Variants in WNT7B observed in about 807,000 individuals in gnomAD.
The protein encoded by WNT7B is protein Wnt-7b.
In WNT7B, 19 loss-of-function variants were observed where a neutral mutation model predicts 38.2. The observed-to-expected ratio is 0.50, with a 90% CI of 0.35 to 0.73. The LOEUF is 0.73. Among genes scored for constraint, WNT7B ranks in the 30% least tolerant of loss-of-function variants. The pLI, the probability that WNT7B is intolerant of heterozygous loss-of-function variation, is 0.01. For synonymous variants in WNT7B, 243 were observed against 209.3 expected, an observed-to-expected ratio of 1.16 and a Z score of -1.39; for missense variants, 423 against 507.9, an observed-to-expected ratio of 0.83 and a Z score of 1.61.
At chr22:45,968,776 T>A (rs1190416793) in intron 1 of WNT7B, among the ~76,000 whole-genome samples, 1 of 152,118 alleles carries the variant, frequency 6.6e-6, no homozygotes, top group Admixed American at 6.5e-5. Context: ...CTCATCAGAT[T>A]TCCCAGCTTG....
At chr22:45,944,536 C>T (rs959504795) in intron 2 of WNT7B, among the ~76,000 whole-genome samples, 1 of 152,228 alleles carries the variant, frequency 6.6e-6, no homozygotes. Flanking sequence ...GGCTGCCTGG[C>T]CCCTGAGCCT....
intron 2 of WNT7B, among the ~76,000 whole-genome samples, chr22:45,942,920 ACGTGTGTG>A (rs1931690776): frequency 6.8e-6 from 1 of 146,276 alleles, no homozygotes; most frequent in African/African-American, 2.5e-5. Context: ...TGCAGTGTGC[ACGTGTGTG>A]CATGTGTGTA....
chr22:45,967,138 G>C (rs1481933651), intron 1 of WNT7B, among the ~76,000 whole-genome samples: 1 of 152,214 alleles, frequency 6.6e-6, no homozygotes, highest in East Asian at 1.9e-4. Flanking sequence ...GCCAGCCTGA[G>C]GTGAGGCCCC....
At chr22:45,967,315 C>A (rs1051376461) in intron 1 of WNT7B, among the ~76,000 whole-genome samples, 1 of 152,156 alleles carries the variant, frequency 6.6e-6, no homozygotes, top group Non-Finnish European at 1.5e-5. Context: ...GGAGCTGAGC[C>A]CCATCTGAGC....
At chr22:45,923,895 C>T (rs532709307) in intron 3 of WNT7B, among the ~76,000 whole-genome samples, 2 of 152,256 alleles carry the variant, frequency 1.3e-5, no homozygotes, top group South Asian at 2.1e-4. Context: ...GCAGGGGAGG[C>T]GAGTACACGG....
chr22:45,948,835 T>C (rs1376194448), intron 2 of WNT7B, among the ~76,000 whole-genome samples: 6 of 122,890 alleles, frequency 4.9e-5, no homozygotes, highest in African/African-American at 2.3e-4. Context: ...CCCTTTTTTT[T>C]TTTTTTTTTT....
At chr22:45,929,331 A>G (rs1393749629) in intron 3 of WNT7B, among the ~76,000 whole-genome samples, 1 of 151,988 alleles carries the variant, frequency 6.6e-6, no homozygotes, top group Non-Finnish European at 1.5e-5. Flanking sequence ...CTTGGAGGCA[A>G]AGCCTGTGTC....
Position 45,920,692 on chromosome 22 carries a change from TGGGGTCAGGGATGGGATGGGGGA to T in WNT7B, c.*2141_*2163del, listed in dbSNP as rs1930899580. ...TAGGGATGAGGGATGGGATGGGGGATGGGGTCAGGGATGGGATGGGGGATGGGATGAGGGATGAGATGAGGGAT... is the reference window on the plus strand; with the variant it reads ...TAGGGATGAGGGATGGGATGGGGGATTGGGATGAGGGATGAGATGAGGGAT... On this transcript the variant is annotated 3_prime_UTR_variant, in exon 4 of 4. Transcript: ENST00000339464. 1 of 27,784 alleles carries T rather than the reference TGGGGTCAGGGATGGGATGGGGGA, an allele frequency of 3.6e-5. No individual in the cohort carries two copies. Among genetic ancestry groups the T allele is most frequent in the African/African-American group, 1.9e-4 (1 of 5,150 alleles). The allele number at this position is 27,784 out of a possible 1,614,324, so 1.7% of individuals were successfully genotyped here. A position where few individuals can be genotyped will look rare whatever the true frequency, so the allele number is the denominator to read the frequency against.
At chr22:45,925,345 C>G in intron 3 of WNT7B, 3 of 983,272 alleles carry the variant, frequency 3.1e-6, no homozygotes, top group Non-Finnish European at 3.6e-6. Flanking sequence ...TGGACAAAGA[C>G]TGGAGAGACT....
In WNT7B at chr22:45,967,855, C is replaced by G. The variant is rs571900941; in HGVS notation, c.71+8829G>C. ...CCAACTTCATGATCATCACCTCGCC[C>G]CCCATCAGCACCTCCAACTGCTGGC... On this transcript the variant is annotated intron_variant, in intron 1 of 3. Coordinates refer to ENST00000339464, the MANE Select transcript of WNT7B (RefSeq NM_058238.3). 1.1e-3 allele frequency among the ~76,000 whole-genome samples: 173 copies of G among 152,270 alleles called. 1 individual carries two copies. The highest frequency in any genetic ancestry group is 4.1e-3 in the African/African-American group (170 of 41,546).
At chr22:45,924,670 T>G (rs1163074524) in intron 3 of WNT7B, among the ~76,000 whole-genome samples, 1 of 151,800 alleles carries the variant, frequency 6.6e-6, no homozygotes, top group Non-Finnish European at 1.5e-5. Flanking sequence ...GGCCCTAGGC[T>G]GGCAGGTGGG....
rs78437334 is a variant in WNT7B, at chr22:45,920,544, G to A, written c.*2312C>T. On this transcript the variant is annotated 3_prime_UTR_variant, in exon 4 of 4. Transcript: ENST00000339464. The stretch of plus-strand genomic sequence containing the variant: ...TTTGGGGTGGGCAGGGGCTCAGTGG[G>A]GTGCCCGGCAGCCAAGGGACAGTGC... 9,495 of 151,322 alleles carry A rather than the reference G, an allele frequency of 0.063. 376 individuals are homozygous for A. The highest frequency in any genetic ancestry group is 0.087 in the Non-Finnish European group (5,887 of 67,756). 9.4% of individuals were successfully genotyped at this position (151,322 alleles called of 1,614,324 possible).
At chr22:45,927,469 G>T (rs1569109779) in intron 3 of WNT7B, 3 of 1,550,092 alleles carry the variant, frequency 1.9e-6, no homozygotes, top group Non-Finnish European at 2.6e-6. Flanking sequence ...CCAAATTCAT[G>T]TCTGCTCAGA....
intron 2 of WNT7B, among the ~76,000 whole-genome samples, chr22:45,940,755 G>T (rs111809356): frequency 6.6e-6 from 1 of 152,206 alleles, no homozygotes; most frequent in Non-Finnish European, 1.5e-5. Flanking sequence ...AGGGACTGGG[G>T]TGCAGGGTGG....
intron 1 of WNT7B, among the ~76,000 whole-genome samples, chr22:45,950,818 G>A (rs1406289366): frequency 6.6e-6 from 1 of 152,268 alleles, no homozygotes; most frequent in African/African-American, 2.4e-5. Flanking sequence ...AATGGTGGCT[G>A]TTGCTGTTTT....
At chr22:45,940,512 G>C (rs1300529561) in intron 2 of WNT7B, among the ~76,000 whole-genome samples, 1 of 152,196 alleles carries the variant, frequency 6.6e-6, no homozygotes, top group Non-Finnish European at 1.5e-5. Context: ...GTGTGTCCCT[G>C]GCACCAAGTA....
chr22:45,971,724 G>C (rs992175033), intron 1 of WNT7B, among the ~76,000 whole-genome samples: 1 of 152,194 alleles, frequency 6.6e-6, no homozygotes, highest in Non-Finnish European at 1.5e-5. Flanking sequence ...ACGAGGGAGC[G>C]GGTGTGTGAG....
At chr22:45,933,898 T>A (rs1931443931) in intron 2 of WNT7B, among the ~76,000 whole-genome samples, 1 of 152,190 alleles carries the variant, frequency 6.6e-6, no homozygotes, top group African/African-American at 2.4e-5. Context: ...GGTGGCACTT[T>A]CTGTCCAGGT....
intron 3 of WNT7B, among the ~76,000 whole-genome samples, chr22:45,930,036 C>T (rs575259825): frequency 2.0e-5 from 3 of 148,940 alleles, no homozygotes; most frequent in Non-Finnish European, 4.4e-5. Flanking sequence ...GAAAGTCAAA[C>T]CCCTGGCCTG....
Sources: gnomAD v4.1 joint callset for allele counts (sites outside exome capture counted in the v4.1 genomes callset) on GRCh38, gnomAD v4.1.1 for gene constraint, MANE v1.5 for transcripts, NCBI Gene and HGNC (gene_info 2026-07-23, HGNC 2026-07-21) for gene names.